Variants in LBHD1 observed in about 807,000 individuals in gnomAD.
The protein encoded by LBHD1 is LBH domain containing 1, also known as LBH domain-containing protein 1.
In LBHD1, 28 loss-of-function variants were observed where a neutral mutation model predicts 31.1. That is an observed-to-expected ratio of 0.90 (90% CI 0.67 to 1.24). The LOEUF is 1.24. Among genes scored for constraint, LBHD1 ranks in the 50% most tolerant of loss-of-function variants. LBHD1 has a pLI of 0.00. For synonymous variants in LBHD1, 105 were observed against 116.5 expected (o/e 0.90, Z 0.63); for missense variants, 350 against 323.0 (o/e 1.08, Z -0.64).
At chr11:62,671,265 C>CTT in intron 1 of LBHD1, 1 of 507,108 alleles carries the variant, frequency 2.0e-6, no homozygotes, top group Non-Finnish European at 3.7e-6. Context: ...GTATACTTGA[C>CTT]TTTGAGTGTT....
chr11:62,665,500 C>T (rs1417833736), intron 4 of LBHD1: 2 of 1,573,518 alleles, frequency 1.3e-6, no homozygotes, highest in East Asian at 2.3e-5. Context: ...GGCTCTGGCC[C>T]CCTCGGCGTC....
In LBHD1 at chr11:62,671,512, C is replaced by A. The variant is rs188684244; in HGVS notation, c.-11+52G>T. ...GAATTGAGGACACAGGGTCCCCGCG[C>A]TCAGCCCTTGGTGCCAGCACTTCTT... is the stretch of plus-strand genomic sequence containing the variant. On this transcript the variant is annotated intron_variant, in intron 1 of 6. Transcript: ENST00000354588. The A allele has an allele frequency of 3.0e-4, 423 of 1,395,528 alleles. No homozygotes were observed. The African/African-American group carries it at 5.4e-3, about 18-fold the overall frequency. The allele number at this position is 1,395,528 out of a possible 1,614,324, so 86.4% of individuals were successfully genotyped here. A position where few individuals can be genotyped will look rare whatever the true frequency, so the allele number is the denominator to read the frequency against.
intron 4 of LBHD1, chr11:62,666,073 C>G: frequency 9.1e-7 from 1 of 1,101,664 alleles, no homozygotes; most frequent in Non-Finnish European, 1.3e-6. Flanking sequence ...GTGGGCCGTG[C>G]GTGGTGGCTC....
intron 5 of LBHD1, 45 bp downstream of exon 5, chr11:62,664,804 A>C: frequency 6.5e-7 from 1 of 1,549,614 alleles, no homozygotes; most frequent in South Asian, 1.2e-5. Flanking sequence ...GGGAGGAAGG[A>C]AGACTCGGTG....
At chr11:62,671,337 T>C in intron 1 of LBHD1, 1 of 1,071,384 alleles carries the variant, frequency 9.3e-7, no homozygotes, top group Non-Finnish European at 1.3e-6. Context: ...CCATGCGCTG[T>C]GTTGAAAACG....
chr11:62,671,510 C>T (rs530802767), intron 1 of LBHD1, 54 bp downstream of exon 1: 5 of 1,391,738 alleles, frequency 3.6e-6, no homozygotes, highest in Admixed American at 5.9e-5. Flanking sequence ...AGGGTCCCCG[C>T]GCTCAGCCCT....
intron 1 of LBHD1, chr11:62,670,975 T>C: frequency 4.2e-6 from 1 of 235,578 alleles, no homozygotes; most frequent in Non-Finnish European, 8.8e-6. Flanking sequence ...GGTGCACGCC[T>C]GTAATCCCAG....
intron 1 of LBHD1, 21 bp downstream of exon 1, chr11:62,671,543 C>G: frequency 1.1e-5 from 15 of 1,421,446 alleles, no homozygotes; most frequent in Non-Finnish European, 1.4e-5. Flanking sequence ...TTCTTGGACA[C>G]CTCAACCCCC....
At chr11:62,665,611 C>T in intron 4 of LBHD1, 1 of 1,557,994 alleles carries the variant, frequency 6.4e-7, no homozygotes, top group South Asian at 1.2e-5. Context: ...GCTGGCTCCT[C>T]CATCGGGGTG....
chr11:62,663,522 G>A (rs1017542182), intron 5 of LBHD1, among the ~76,000 whole-genome samples, 189 bp from the exon 6 acceptor site: 6 of 151,778 alleles, frequency 4.0e-5, no homozygotes, highest in African/African-American at 1.2e-4. Flanking sequence ...GTGAAACCCT[G>A]TCTCTACTAA....
intron 4 of LBHD1, chr11:62,666,429 GTC>G: frequency 6.2e-7 from 1 of 1,612,316 alleles, no homozygotes. Context: ...GCGGACCGCT[GTC>G]TCTGGGATCG....
intron 1 of LBHD1, chr11:62,671,141 C>G (rs1024013986): frequency 1.7e-5 from 6 of 363,086 alleles, no homozygotes; most frequent in South Asian, 4.3e-5. Context: ...ACAACAACAA[C>G]AAAACCAAAA....
In LBHD1 at chr11:62,671,661, G is replaced by C; in HGVS notation, c.-108C>G. 3 of 1,575,038 alleles carry C rather than the reference G, an allele frequency of 1.9e-6. No individual in the cohort carries two copies. The highest frequency in any genetic ancestry group is 2.6e-6 in the Non-Finnish European group (3 of 1,162,378). The stretch of plus-strand genomic sequence containing the variant: ...TTTCTGCTATAGGGCGCTCTAGCCT[G>C]CGCCAAGGGGTAGTGAGACCGCGCG... On this transcript the variant is annotated 5_prime_UTR_variant, in exon 1 of 7. Coordinates refer to ENST00000354588, the MANE Select transcript of LBHD1 (RefSeq NM_024099.5).
chr11:62,667,141 G>A (rs1461926684), intron 4 of LBHD1: 2 of 1,348,900 alleles, frequency 1.5e-6, no homozygotes, highest in African/African-American at 2.9e-5. Context: ...TGCAAAGTGA[G>A]AATTTGAGTC....
intron 4 of LBHD1, chr11:62,666,339 A>G: frequency 6.4e-7 from 1 of 1,566,532 alleles, no homozygotes; most frequent in South Asian, 1.1e-5. Flanking sequence ...GTGTGTATAT[A>G]CGACGTTTTT....
At chr11:62,665,317 G>A (rs948367991) in intron 4 of LBHD1, 9 of 728,090 alleles carry the variant, frequency 1.2e-5, no homozygotes, top group East Asian at 2.7e-5. Flanking sequence ...GAGGCCTTTC[G>A]GAGGGTGGTG....
rs761736692 is a variant in LBHD1, at chr11:62,663,222, T to C, written c.761+14A>G. On this transcript the variant is annotated intron_variant, in intron 6 of 6. Transcript: ENST00000354588. The stretch of plus-strand genomic sequence containing the variant: ...ATCCAGGATTCCCCTCACCCACCTC[T>C]GTCCCAGCCTCACCTTCCATGGCTG... 6.8e-6 allele frequency: 11 copies of C among 1,613,914 alleles called. No individual in the cohort carries two copies. The South Asian group carries it at 1.1e-4, about 16-fold the overall frequency.
rs999922067 is a variant in LBHD1, at chr11:62,672,242, T to C, written c.-689A>G. On this transcript the variant is annotated 5_prime_UTR_variant, in exon 1 of 7. Transcript: ENST00000354588. The stretch of plus-strand genomic sequence containing the variant: ...CATGCCAGGACTCTCCGGGGTCCTG[T>C]GAGCTGCCGTCGGGTGAGCACGTTT... 3.7e-5 allele frequency: 36 copies of C among 983,440 alleles called. No homozygotes were observed. The African/African-American group carries it at 5.0e-4, about 14-fold the overall frequency. The allele number at this position is 983,440 out of a possible 1,614,324, so 60.9% of individuals were successfully genotyped here.
chr11:62,669,825 G>T, intron 2 of LBHD1, 22 bp from the exon 3 acceptor site: 3 of 1,614,218 alleles, frequency 1.9e-6, no homozygotes, highest in Non-Finnish European at 2.5e-6. Flanking sequence ...CAGCAGGGAG[G>T]TTGGGCCAAA....
Sources: allele counts gnomAD v4.1 joint callset (sites outside exome capture counted in the v4.1 genomes callset), GRCh38; gene constraint gnomAD v4.1.1; transcripts MANE v1.5; gene names NCBI Gene and HGNC (gene_info 2026-07-23, HGNC 2026-07-21).